Variants in SPRR2G observed in about 807,000 individuals in gnomAD.
SPRR2G encodes the protein small proline-rich protein 2G.
A neutral mutation model predicts 0.7 loss-of-function variants in SPRR2G; 1 was observed. The ratio of observed to expected loss-of-function variants is 1.49; its 90% CI spans 0.53 to 7.06. The LOEUF (loss-of-function observed/expected upper bound fraction) is 7.06, where lower values mean the gene tolerates loss of function less well. Ranked by LOEUF, SPRR2G falls within the 30% of genes most tolerant of loss-of-function variation. The probability of loss-of-function intolerance (pLI) is 0.14; values close to 1 mark genes in which losing one functional copy is unlikely to be tolerated. For synonymous variants in SPRR2G, 38 were observed against 33.9 expected, an observed-to-expected ratio of 1.12 and a Z score of -0.42; for missense variants, 96 against 88.5, an observed-to-expected ratio of 1.09 and a Z score of -0.34.
the SPRR2G span, among the ~76,000 whole-genome samples, chr1:153,166,585 T>C: frequency 3.9e-5 from 6 of 152,134 alleles, no homozygotes; most frequent in Non-Finnish European, 4.4e-5. Flanking sequence ...ATAAGCAGAA[T>C]TGGGCCTCTG....
At chr1:153,175,408 A>G in the SPRR2G span, among the ~76,000 whole-genome samples, 149 of 152,298 alleles carry the variant, frequency 9.8e-4, no homozygotes, top group African/African-American at 3.4e-3. Context: ...AGTCCAGTCC[A>G]TGCAACGCTC....
the SPRR2G span, among the ~76,000 whole-genome samples, chr1:153,160,711 T>C: frequency 6.6e-6 from 1 of 151,966 alleles, no homozygotes; most frequent in Non-Finnish European, 1.5e-5. Context: ...GAACTAGAAA[T>C]ACCATTTCAC....
At chr1:153,184,422 C>T in the SPRR2G span, among the ~76,000 whole-genome samples, 4,852 of 152,286 alleles carry the variant, frequency 0.032, 107 homozygotes, top group Non-Finnish European at 0.047. Context: ...AGGTCCTTCA[C>T]GTCCATTGTA....
At chr1:153,171,056 A>G in the SPRR2G span, among the ~76,000 whole-genome samples, 17 of 152,204 alleles carry the variant, frequency 1.1e-4, no homozygotes, top group African/African-American at 4.1e-4. Flanking sequence ...CCCTCTTTTC[A>G]CGGAAGAGTA....
chr1:153,171,627 C>T, the SPRR2G span, among the ~76,000 whole-genome samples: 1 of 152,166 alleles, frequency 6.6e-6, no homozygotes, highest in African/African-American at 2.4e-5. Flanking sequence ...GGGTATCATG[C>T]ACCAAAATGC....
At chr1:153,168,743 T>C in the SPRR2G span, among the ~76,000 whole-genome samples, 1 of 152,088 alleles carries the variant, frequency 6.6e-6, no homozygotes, top group Non-Finnish European at 1.5e-5. Context: ...TCCAAATAAG[T>C]ACCAAACGAA....
chr1:153,179,823 G>A, the SPRR2G span, among the ~76,000 whole-genome samples: 4 of 151,966 alleles, frequency 2.6e-5, no homozygotes, highest in Non-Finnish European at 4.4e-5. Flanking sequence ...TCTTGTCTCC[G>A]TATTCCTATC....
At chr1:153,198,608 C>G in the SPRR2G span, among the ~76,000 whole-genome samples, 16 of 152,150 alleles carry the variant, frequency 1.1e-4, no homozygotes, top group South Asian at 2.7e-3. Flanking sequence ...AAGCAAGAGT[C>G]TGGGATGATC....
the SPRR2G span, among the ~76,000 whole-genome samples, chr1:153,200,076 A>C: frequency 6.6e-6 from 1 of 152,348 alleles, no homozygotes; most frequent in South Asian, 2.1e-4. Context: ...CAGGGCCTTC[A>C]GACACACACA....
the SPRR2G span, among the ~76,000 whole-genome samples, chr1:153,160,774 A>G: frequency 5.3e-5 from 8 of 151,188 alleles, no homozygotes; most frequent in African/African-American, 1.7e-4. Context: ...ACATGCTGCT[A>G]TAAAGACATA....
chr1:153,188,598 G>A, the SPRR2G span, among the ~76,000 whole-genome samples: 1 of 152,188 alleles, frequency 6.6e-6, no homozygotes, highest in Non-Finnish European at 1.5e-5. Flanking sequence ...CAAGCCAGTG[G>A]TTCTTAGCTT....
At chr1:153,193,700 G>A in the SPRR2G span, among the ~76,000 whole-genome samples, 1 of 152,146 alleles carries the variant, frequency 6.6e-6, no homozygotes, top group Non-Finnish European at 1.5e-5. Flanking sequence ...GTTTCCTGGA[G>A]ATGAGGAGCT....
At chr1:153,173,920 A>G in the SPRR2G span, among the ~76,000 whole-genome samples, 1 of 152,210 alleles carries the variant, frequency 6.6e-6, no homozygotes, top group Non-Finnish European at 1.5e-5. Context: ...CACACCATAA[A>G]GGATGGGGCA....
At chr1:153,180,453 T>TTC in the SPRR2G span, among the ~76,000 whole-genome samples, 1 of 152,218 alleles carries the variant, frequency 6.6e-6, no homozygotes, top group Non-Finnish European at 1.5e-5. Context: ...AGATCGTTGA[T>TTC]TCTCATTGCT....
At chr1:153,192,712 A>G in the SPRR2G span, among the ~76,000 whole-genome samples, 1 of 152,204 alleles carries the variant, frequency 6.6e-6, no homozygotes, top group Admixed American at 6.5e-5. Context: ...ATTTTTCTCA[A>G]GCTCTTTGCA....
At chr1:153,177,146 A>C in the SPRR2G span, among the ~76,000 whole-genome samples, 2 of 152,314 alleles carry the variant, frequency 1.3e-5, no homozygotes, top group South Asian at 4.1e-4. Flanking sequence ...TGCTAAACAT[A>C]GTGTCTTGAT....
At chr1:153,178,172 C>T in the SPRR2G span, among the ~76,000 whole-genome samples, 1 of 152,062 alleles carries the variant, frequency 6.6e-6, no homozygotes, top group African/African-American at 2.4e-5. Flanking sequence ...TATATATTGA[C>T]CTTGTATTCT....
At chr1:153,188,139 C>T in the SPRR2G span, among the ~76,000 whole-genome samples, 1 of 152,192 alleles carries the variant, frequency 6.6e-6, no homozygotes. Flanking sequence ...AGGTATCTGT[C>T]GACCACTCCT....
At chr1:153,179,122 GGCTGAAGCT>G in the SPRR2G span, among the ~76,000 whole-genome samples, 1 of 152,158 alleles carries the variant, frequency 6.6e-6, no homozygotes, top group East Asian at 1.9e-4. Flanking sequence ...CTCTGTCATA[GGCTGAAGCT>G]GTAATCCACA....
Sources: allele counts gnomAD v4.1 joint callset (sites outside exome capture counted in the v4.1 genomes callset), GRCh38; gene constraint gnomAD v4.1.1; transcripts MANE v1.5; gene names NCBI Gene and HGNC (gene_info 2026-07-23, HGNC 2026-07-21).